Variants in RARB observed in about 807,000 individuals in gnomAD.
RARB encodes HBV-activated protein.
RARB carries 17 observed loss-of-function variants against 51.9 expected under a neutral mutation model. The ratio of observed to expected loss-of-function variants is 0.33; its 90% CI spans 0.22 to 0.49. The LOEUF (loss-of-function observed/expected upper bound fraction) is 0.49, where lower values mean the gene tolerates loss of function less well. Among genes scored for constraint, RARB ranks in the 20% least tolerant of loss-of-function variants. The probability of loss-of-function intolerance (pLI) is 0.99; values close to 1 mark genes in which losing one functional copy is unlikely to be tolerated. For synonymous variants in RARB, 215 were observed against 195.4 expected, an observed-to-expected ratio of 1.10 and a Z score of -0.84; for missense variants, 369 against 550.8, an observed-to-expected ratio of 0.67 and a Z score of 3.30.
chr3:25,332,877 C>T (rs1704945164), intron 5 of RARB, among the ~76,000 whole-genome samples: 1 of 152,130 alleles, frequency 6.6e-6, no homozygotes, highest in Non-Finnish European at 1.5e-5. Context: ...TCCTATACAC[C>T]AATAACAAAC....
At chr3:24,989,253 T>C (rs1575107961) in intron 2 of RARB, among the ~76,000 whole-genome samples, 2 of 152,348 alleles carry the variant, frequency 1.3e-5, no homozygotes, top group Middle Eastern at 6.8e-3. Context: ...CCCATCAGAA[T>C]GGGATATTGA....
chr3:25,523,773 C>T (rs1698511957), intron 3 of RARB, among the ~76,000 whole-genome samples: 1 of 152,194 alleles, frequency 6.6e-6, no homozygotes, highest in Non-Finnish European at 1.5e-5. Flanking sequence ...CTCACTCACA[C>T]TTTCGGAGCT....
At chr3:25,163,862 G>A (rs886065323) in intron 4 of RARB, among the ~76,000 whole-genome samples, 1 of 152,084 alleles carries the variant, frequency 6.6e-6, no homozygotes, top group African/African-American at 2.4e-5. Flanking sequence ...AAGGTAGTGG[G>A]GAATGAAAAG....
At chr3:24,898,356 G>A (rs1177132739) in intron 2 of RARB, among the ~76,000 whole-genome samples, 1 of 149,776 alleles carries the variant, frequency 6.7e-6, no homozygotes, top group Non-Finnish European at 1.5e-5. Flanking sequence ...TAATAAATAG[G>A]AATAAAATGA....
At chr3:25,412,597 C>T (rs571605185) in intron 5 of RARB, among the ~76,000 whole-genome samples, 1 of 152,196 alleles carries the variant, frequency 6.6e-6, no homozygotes. Flanking sequence ...TCTGTCCACT[C>T]TATTTTTAAC....
chr3:25,328,638 T>C (rs1425442344), intron 5 of RARB, among the ~76,000 whole-genome samples: 1 of 152,124 alleles, frequency 6.6e-6, no homozygotes, highest in African/African-American at 2.4e-5. Context: ...AATTTTTGCG[T>C]TTCCAACTGA....
intron 2 of RARB, among the ~76,000 whole-genome samples, chr3:24,875,746 T>C (rs1703030915): frequency 6.6e-6 from 1 of 152,128 alleles, no homozygotes; most frequent in Admixed American, 6.5e-5. Context: ...ATAACATTAA[T>C]ATAATACTAT....
chr3:25,478,834 G>T (rs1696092522), intron 2 of RARB, among the ~76,000 whole-genome samples: 1 of 152,170 alleles, frequency 6.6e-6, no homozygotes, highest in Non-Finnish European at 1.5e-5. Flanking sequence ...TTCTCATATT[G>T]ATTCTAGGCC....
chr3:25,167,117 A>G, intron 4 of RARB, among the ~76,000 whole-genome samples: 1 of 152,210 alleles, frequency 6.6e-6, no homozygotes, highest in East Asian at 1.9e-4. Context: ...CCGTTTCCTC[A>G]TAGTTAAAAT....
chr3:24,988,902 T>C (rs1575107762), intron 2 of RARB, among the ~76,000 whole-genome samples: 1 of 152,328 alleles, frequency 6.6e-6, no homozygotes, highest in East Asian at 1.9e-4. Flanking sequence ...CTGGGCTCAC[T>C]GCAACCTCCG....
intron 2 of RARB, among the ~76,000 whole-genome samples, chr3:24,869,793 G>A (rs771179866): frequency 2.7e-4 from 41 of 151,930 alleles, no homozygotes; most frequent in Non-Finnish European, 5.6e-4. Context: ...CAGAACTTTA[G>A]CAACACTCTT....
intron 1 of RARB, among the ~76,000 whole-genome samples, chr3:25,444,749 CAAAAT>C (rs1240167564): frequency 1.3e-5 from 2 of 152,098 alleles, no homozygotes; most frequent in Non-Finnish European, 1.5e-5. Context: ...ATCTGCATCT[CAAAAT>C]AAAAGAGGGT....
chr3:25,398,976 ATCTTGCCCAAAG>A (rs1707191028), intron 5 of RARB, among the ~76,000 whole-genome samples: 1 of 152,218 alleles, frequency 6.6e-6, no homozygotes, highest in Admixed American at 6.5e-5. Flanking sequence ...TGAAGTTAAT[ATCTTGCCCAAAG>A]TCCCCAGATT....
chr3:25,431,832 G>GA lies in RARB; in HGVS notation c.157+2948dup, dbSNP rs1708222183. 3.9e-5 allele frequency among the ~76,000 whole-genome samples: 6 copies of GA among 152,246 alleles called. No individual in the cohort carries two copies. In the South Asian group the frequency reaches 1.2e-3, roughly 32 times the overall value. On this transcript the variant is annotated intron_variant, in intron 1 of 7. Transcript: ENST00000330688. ...GTAGTGATGTTTGATTAGGGAATGA[G>GA]AAAAGGCCTCTTTTCAAAGCCCTGG...
intron 2 of RARB, among the ~76,000 whole-genome samples, chr3:25,041,850 G>A (rs1698121604): frequency 6.6e-6 from 1 of 152,182 alleles, no homozygotes; most frequent in South Asian, 2.1e-4. Flanking sequence ...TATTAATTCA[G>A]AATTAATTAA....
At chr3:25,096,202 A>G (rs1699289233) in intron 3 of RARB, among the ~76,000 whole-genome samples, 1 of 152,140 alleles carries the variant, frequency 6.6e-6, no homozygotes, top group Non-Finnish European at 1.5e-5. Context: ...TTCACTCAGT[A>G]GCTACTTGGG....
chr3:25,416,956 C>A (rs1707721285), intron 5 of RARB, among the ~76,000 whole-genome samples: 1 of 152,134 alleles, frequency 6.6e-6, no homozygotes, highest in Non-Finnish European at 1.5e-5. Flanking sequence ...TCTGGCTCAC[C>A]AACTTAGTTT....
At chr3:25,448,702 G>C (rs77052411) in intron 1 of RARB, among the ~76,000 whole-genome samples, 10,507 of 152,210 alleles carry the variant, frequency 0.069, 448 homozygotes, top group Middle Eastern at 0.12. Context: ...CCCAGTCTCA[G>C]GTGATCCGCC....
At chr3:24,959,240 G>A (rs887065052) in intron 2 of RARB, among the ~76,000 whole-genome samples, 73 of 152,288 alleles carry the variant, frequency 4.8e-4, no homozygotes, top group African/African-American at 1.6e-3. Flanking sequence ...TGTAGCCCCT[G>A]AGCTCTTTTT....
Sources: allele counts gnomAD v4.1 joint callset (sites outside exome capture counted in the v4.1 genomes callset), GRCh38; gene constraint gnomAD v4.1.1; transcripts MANE v1.5; gene names NCBI Gene and HGNC (gene_info 2026-07-23, HGNC 2026-07-21).